The following ZMAT4 variants were observed in gnomAD, a reference collection of about 807,000 sequenced individuals.
ZMAT4 encodes the protein zinc finger matrin-type protein 4.
In ZMAT4, 17 loss-of-function variants were observed where a neutral mutation model predicts 28.7. The ratio of observed to expected loss-of-function variants is 0.59; its 90% confidence interval spans 0.41 to 0.89. The LOEUF is 0.89. Among genes scored for constraint, ZMAT4 ranks in the 40% least tolerant of loss-of-function variants. The pLI is 0.00. For missense variants in ZMAT4, 240 were observed against 283.8 expected (o/e 0.85, Z 1.11); for synonymous variants, 117 against 109.2 (o/e 1.07, Z -0.44).
chr8:40,745,985 C>CT (rs1212267934), intron 3 of ZMAT4, among the ~76,000 whole-genome samples: 3 of 152,294 alleles, frequency 2.0e-5, no homozygotes, highest in Admixed American at 1.3e-4. Context: ...AGTTTTCCTC[C>CT]TACCTGCCTG....
At chr8:40,752,724 A>G (rs1253134369) in intron 3 of ZMAT4, among the ~76,000 whole-genome samples, 1 of 151,870 alleles carries the variant, frequency 6.6e-6, no homozygotes, top group Admixed American at 6.6e-5. Flanking sequence ...CTCATTTTTC[A>G]CTTCTGCCAT....
chr8:40,877,193 CA>C (rs780876801), intron 1 of ZMAT4, among the ~76,000 whole-genome samples: 3 of 152,174 alleles, frequency 2.0e-5, no homozygotes, highest in Admixed American at 6.5e-5. Flanking sequence ...GAACAGTGGT[CA>C]GGGGCAGATC....
At chr8:40,859,711 A>C (rs1817424254) in intron 1 of ZMAT4, among the ~76,000 whole-genome samples, 1 of 152,168 alleles carries the variant, frequency 6.6e-6, no homozygotes, top group Non-Finnish European at 1.5e-5. Context: ...GCGGTGGAGA[A>C]TGTAAATTAC....
chr8:40,630,682 G>A (rs1470591858), intron 5 of ZMAT4, among the ~76,000 whole-genome samples: 1 of 152,162 alleles, frequency 6.6e-6, no homozygotes, highest in Non-Finnish European at 1.5e-5. Flanking sequence ...TAAAACCCCA[G>A]TCACAGTTAA....
At chr8:40,811,759 C>T (rs1025496387) in intron 2 of ZMAT4, among the ~76,000 whole-genome samples, 43 of 152,140 alleles carry the variant, frequency 2.8e-4, no homozygotes, top group East Asian at 1.9e-3. Context: ...ACATGGATGG[C>T]TTTTGGAAAC....
chr8:40,780,664 T>TA (rs1161989311), intron 2 of ZMAT4, among the ~76,000 whole-genome samples: 1 of 152,048 alleles, frequency 6.6e-6, no homozygotes, highest in Non-Finnish European at 1.5e-5. Context: ...CATGAAATCA[T>TA]AAAAAATATA....
chr8:40,613,292 C>G (rs1020704699), intron 5 of ZMAT4, among the ~76,000 whole-genome samples: 2 of 145,908 alleles, frequency 1.4e-5, no homozygotes, highest in African/African-American at 5.0e-5. Context: ...AAGCAATCCT[C>G]CTGACTCAGT....
At chr8:40,877,885 C>T (rs990100871) in intron 1 of ZMAT4, among the ~76,000 whole-genome samples, 1 of 152,116 alleles carries the variant, frequency 6.6e-6, no homozygotes, top group Non-Finnish European at 1.5e-5. Context: ...AGCAAAACAC[C>T]TGGGCGCATT....
chr8:40,616,975 A>G (rs527956227), intron 5 of ZMAT4, among the ~76,000 whole-genome samples: 1 of 152,286 alleles, frequency 6.6e-6, no homozygotes, highest in South Asian at 2.1e-4. Flanking sequence ...GAAGAAGGAC[A>G]CATAATCATT....
At chr8:40,729,711 G>C (rs544108088) in intron 3 of ZMAT4, among the ~76,000 whole-genome samples, 1 of 150,916 alleles carries the variant, frequency 6.6e-6, no homozygotes, top group East Asian at 2.0e-4. Context: ...TGATTCTCCT[G>C]CCTCAGCCTC....
chr8:40,645,807 C>T (rs1585808426), intron 5 of ZMAT4, among the ~76,000 whole-genome samples: 2 of 152,064 alleles, frequency 1.3e-5, no homozygotes, highest in South Asian at 4.2e-4. Context: ...TTTGAATAAA[C>T]TTAAATCATC....
intron 3 of ZMAT4, among the ~76,000 whole-genome samples, chr8:40,741,446 C>CA (rs34475226): frequency 0.21 from 25,245 of 118,166 alleles, 2,991 homozygotes; most frequent in East Asian, 0.6. Context: ...AAGTCTGTCT[C>CA]AAAAAAAAAA....
intron 5 of ZMAT4, among the ~76,000 whole-genome samples, chr8:40,615,924 G>T (rs981212918): frequency 1.3e-5 from 2 of 152,058 alleles, no homozygotes; most frequent in Non-Finnish European, 2.9e-5. Flanking sequence ...CACAGCAAAA[G>T]AAACTACCAT....
chr8:40,754,096 C>G lies in ZMAT4; in HGVS notation c.192+13545G>C, dbSNP rs570352411. Reference sequence around the variant, plus strand: ...CTGAGGAAGGAGAATTGATTGAACCCGGGAGGCAGAGGCTGCAGTGCGCCG... The same window carrying G: ...CTGAGGAAGGAGAATTGATTGAACCGGGGAGGCAGAGGCTGCAGTGCGCCG... On this transcript the variant is annotated intron_variant, in intron 3 of 6. Coordinates refer to ENST00000297737, the MANE Select transcript of ZMAT4 (RefSeq NM_024645.3). Among the ~76,000 whole-genome samples, 10 of 151,628 alleles carry G rather than the reference C, an allele frequency of 6.6e-5. No individual in the cohort carries two copies. The East Asian group carries it at 1.9e-3, about 29-fold the overall frequency.
intron 1 of ZMAT4, among the ~76,000 whole-genome samples, chr8:40,861,446 T>C (rs890194517): frequency 6.6e-6 from 1 of 152,216 alleles, no homozygotes; most frequent in African/African-American, 2.4e-5. Context: ...AAGACTTAAA[T>C]GTTAGACCTA....
chr8:40,755,922 C>CA (rs1812658691), intron 3 of ZMAT4, among the ~76,000 whole-genome samples: 1 of 152,194 alleles, frequency 6.6e-6, no homozygotes, highest in Non-Finnish European at 1.5e-5. Context: ...CAGTGTGGCA[C>CA]ATAAATACTA....
intron 2 of ZMAT4, among the ~76,000 whole-genome samples, chr8:40,815,893 C>T (rs974456628): frequency 2.0e-5 from 3 of 152,194 alleles, no homozygotes; most frequent in Non-Finnish European, 2.9e-5. Flanking sequence ...ATCAGCTTCA[C>T]GGCAGCTCCC....
intron 5 of ZMAT4, among the ~76,000 whole-genome samples, chr8:40,631,869 G>A (rs1396249033): frequency 2.6e-5 from 4 of 152,168 alleles, no homozygotes; most frequent in African/African-American, 9.7e-5. Context: ...CTGAGATATG[G>A]CAATCCATTT....
intron 1 of ZMAT4, among the ~76,000 whole-genome samples, chr8:40,838,982 A>T (rs1334320384): frequency 6.6e-6 from 1 of 152,190 alleles, no homozygotes; most frequent in Non-Finnish European, 1.5e-5. Flanking sequence ...TAATATGGAA[A>T]AGACACCCTG....
Sources: gnomAD v4.1 joint callset for allele counts (sites outside exome capture counted in the v4.1 genomes callset) on GRCh38, gnomAD v4.1.1 for gene constraint, MANE v1.5 for transcripts, NCBI Gene and HGNC (gene_info 2026-07-23, HGNC 2026-07-21) for gene names.